Variants in PLXND1 observed in about 807,000 individuals in gnomAD.
The protein encoded by PLXND1 is plexin D1.
A neutral mutation model predicts 197.7 loss-of-function variants in PLXND1; 54 were observed. That is an observed-to-expected ratio of 0.27 (90% CI 0.22 to 0.34). The LOEUF is 0.34. Among genes scored for constraint, PLXND1 ranks in the 10% least tolerant of loss-of-function variants. The pLI, the probability that PLXND1 is intolerant of heterozygous loss-of-function variation, is 1.00. For synonymous variants in PLXND1, 1,180 were observed against 1,161.2 expected, an observed-to-expected ratio of 1.02 and a Z score of -0.33; for missense variants, 2,127 against 2,699.2, an observed-to-expected ratio of 0.79 and a Z score of 4.70.
Position 129,561,642 on chromosome 3 carries a change from C to A in PLXND1, c.4993+4G>T, listed in dbSNP as rs1181557752. ...GGCTCCCTTCCCACGTGCACCCGCA[C>A]TACCTCGGCCCAGTGTGTTGTCCTT... On this transcript the variant is annotated splice_donor_region_variant and intron_variant, in intron 29 of 35. Coordinates refer to ENST00000324093, the MANE Select transcript of PLXND1 (RefSeq NM_015103.3). The A allele has an allele frequency of 6.2e-7, 1 of 1,602,578 alleles. No homozygotes were observed. Among genetic ancestry groups the A allele is most frequent in the South Asian group, 1.1e-5 (1 of 89,214 alleles).
Position 129,584,449 on chromosome 3 carries a change from A to T in PLXND1, c.1965T>A (p.Gly655=). Residue 655 remains glycine, a synonymous_variant, in exon 6 of 36, where the codon GGT becomes GGA. Coordinates refer to ENST00000324093, the MANE Select transcript of PLXND1 (RefSeq NM_015103.3). ...TVARVPGPAF[G]HQIAYCNLLP... is the part of the protein sequence containing the mutation. ...GGAGGTTGCAGTAGGCAATCTGGTG[A>T]CCAAAGGCAGGGCCTGGGACCCGAG... 6.2e-7 allele frequency: 1 copy of T among 1,613,756 alleles called. No individual in the cohort carries two copies. The highest frequency in any genetic ancestry group is 8.5e-7 in the Non-Finnish European group (1 of 1,179,966).
At chr3:129,573,871 A>G (rs1038207439) in intron 12 of PLXND1, 126 bp from the exon 13 acceptor site, 1 of 1,076,930 alleles carries the variant, frequency 9.3e-7, no homozygotes, top group African/African-American at 1.6e-5. Flanking sequence ...GAAGGTCTGG[A>G]GGCTCAGGTG....
intron 1 of PLXND1, among the ~76,000 whole-genome samples, chr3:129,602,815 T>C (rs778554719): frequency 6.6e-6 from 1 of 152,158 alleles, no homozygotes; most frequent in Non-Finnish European, 1.5e-5. Context: ...CTGAGCTGCA[T>C]TTATCGATTC....
chr3:129,570,908 T>C lies in PLXND1; in HGVS notation c.3628A>G (p.Ser1210Gly). The C allele has an allele frequency of 6.2e-7, 1 of 1,614,220 alleles. No homozygotes were observed. The highest frequency in any genetic ancestry group is 2.2e-5 in the East Asian group (1 of 44,886). The change falls in exon 19 of 36, where the codon AGT becomes GGT. Residue 1210 changes from serine (S) to glycine (G), a missense_variant. By Grantham distance (56) the Ser-to-Gly change is moderately conservative. Transcript: ENST00000324093. ...HKEQDSLGLQSHEYRVKIGQV... is the reference protein window; with the variant it reads ...HKEQDSLGLQGHEYRVKIGQV... Reference sequence around the variant, plus strand: ...CCTATCTTGACCCGGTACTCGTGACTCTGGAGCCCCAGGCTGTCCTGCTCC... The same window carrying C: ...CCTATCTTGACCCGGTACTCGTGACCCTGGAGCCCCAGGCTGTCCTGCTCC...
rs919485790 is a variant in PLXND1 at position 129,578,386 on chromosome 3, C to T, written c.2289G>A (p.Val763=). 3 of 1,606,296 alleles carry T rather than the reference C, an allele frequency of 1.9e-6. No homozygotes were observed. The highest frequency in any genetic ancestry group is 1.7e-4 in the Middle Eastern group (1 of 6,022). ...PRTLLSPLAP[V]PTGGSQNILV... ...GGATGTTCTGGGAGCCACCCGTAGGCACGGGTGCCAGGGGTGAGAGCAGGG... is the reference window on the plus strand; with the variant it reads ...GGATGTTCTGGGAGCCACCCGTAGGTACGGGTGCCAGGGGTGAGAGCAGGG... The change falls in exon 9 of 36, where the codon GTG becomes GTA. Residue 763 remains valine (V), a synonymous_variant. Coordinates refer to ENST00000324093, the MANE Select transcript of PLXND1 (RefSeq NM_015103.3).
chr3:129,578,540 G>C, intron 8 of PLXND1, 107 bp from the exon 9 acceptor site: 1 of 670,956 alleles, frequency 1.5e-6, no homozygotes, highest in East Asian at 2.8e-5. Flanking sequence ...TTCCTGAGGA[G>C]AAAACACTAG....
At chr3:129,587,306 G>A (rs777914416) in intron 2 of PLXND1, among the ~76,000 whole-genome samples, 5 of 152,188 alleles carry the variant, frequency 3.3e-5, no homozygotes, top group African/African-American at 1.2e-4. Flanking sequence ...GAGATCACAA[G>A]GCTACAATGC....
At chr3:129,566,332 G>A (rs11925462) in intron 23 of PLXND1, among the ~76,000 whole-genome samples, 195 bp downstream of exon 23, 16,385 of 151,626 alleles carry the variant, frequency 0.11, 1,708 homozygotes, top group African/African-American at 0.27. Flanking sequence ...CCTGGCCTGC[G>A]GGGGCAGCAC....
rs2085774371 is a variant in PLXND1, at chr3:129,605,451, G to A, written c.1189C>T (p.Arg397Ter). Reference protein sequence around the residue: ...ALCAFRFADVRAAIRAARTAC... With the variant: ...ALCAFRFADV ...GTGCGCGCAGCTCGGATGGCGGCTCGCACGTCGGCGAAGCGGAAGGCGCAG... is the reference window on the plus strand; with the variant it reads ...GTGCGCGCAGCTCGGATGGCGGCTCACACGTCGGCGAAGCGGAAGGCGCAG... Residue 397 changes from arginine (R) to a stop codon, truncating the protein, a stop_gained, in exon 1 of 36, where the codon CGA (arginine) becomes TGA (stop). Coordinates refer to ENST00000324093, the MANE Select transcript of PLXND1 (RefSeq NM_015103.3). LOFTEE classifies it high-confidence loss of function. 1 of 1,501,328 alleles carries A rather than the reference G, an allele frequency of 6.7e-7. No homozygotes were observed. The highest frequency in any genetic ancestry group is 8.8e-7 in the Non-Finnish European group (1 of 1,132,666). 93.0% of individuals were successfully genotyped at this position (1,501,328 alleles called of 1,614,324 possible).
chr3:129,595,752 G>A (rs930713307), intron 1 of PLXND1, among the ~76,000 whole-genome samples: 3 of 152,094 alleles, frequency 2.0e-5, no homozygotes, highest in Non-Finnish European at 2.9e-5. Flanking sequence ...CAGCCAGGCC[G>A]CCCTGAGGGC....
rs542768361 is a variant in PLXND1 at position 129,556,638 on chromosome 3, G to A, written c.5640C>T (p.Tyr1880=). ...TNVAMAEIYK[Y]AKRYRPQIMA... ...TCACCTGCGGCCGATACCTCTTGGCGTACTTATAAATCTCTGCCATGGCCA... is the reference window on the plus strand; with the variant it reads ...TCACCTGCGGCCGATACCTCTTGGCATACTTATAAATCTCTGCCATGGCCA... Residue 1880 remains tyrosine (Y), a synonymous_variant, in exon 35 of 36, where the codon TAC becomes TAT. Coordinates refer to ENST00000324093, the MANE Select transcript of PLXND1 (RefSeq NM_015103.3). 80 of 1,612,798 alleles carry A rather than the reference G, an allele frequency of 5.0e-5. No homozygotes were observed. Among genetic ancestry groups the A allele is most frequent in the Non-Finnish European group, 6.8e-5 (80 of 1,179,198 alleles).
intron 1 of PLXND1, among the ~76,000 whole-genome samples, chr3:129,590,304 G>T (rs6782700): frequency 2.6e-5 from 4 of 151,628 alleles, no homozygotes; most frequent in African/African-American, 7.3e-5. Flanking sequence ...TCCCATGTCC[G>T]GGCTGTTCCC....
At chr3:129,589,741 C>A (rs1368220556) in intron 1 of PLXND1, among the ~76,000 whole-genome samples, 1 of 152,134 alleles carries the variant, frequency 6.6e-6, no homozygotes, top group East Asian at 1.9e-4. Context: ...AGAGCTGTTC[C>A]AAGGAGATGA....
Position 129,571,679 on chromosome 3 carries a change from G to A in PLXND1, c.3243C>T (p.Val1081=), listed in dbSNP as rs111780083. The change falls in exon 16 of 36, where the codon GTC becomes GTT. Residue 1081 remains valine (V), a splice_region_variant and synonymous_variant. Coordinates refer to ENST00000324093, the MANE Select transcript of PLXND1 (RefSeq NM_015103.3). Reference sequence around the variant, plus strand: ...GAAGGGCGGGGTGCCAGTCTCACCTGACAGGGCTGCGGCGGGGACTGATGG... The same window carrying A: ...GAAGGGCGGGGTGCCAGTCTCACCTAACAGGGCTGCGGCGGGGACTGATGG... ...ITAISPRRSP[V]SGGRTITVAG... The A allele has an allele frequency of 2.5e-6, 4 of 1,614,018 alleles. No homozygotes were observed. Among genetic ancestry groups the A allele is most frequent in the African/African-American group, 2.7e-5 (2 of 75,056 alleles).
chr3:129,589,509 C>A lies in PLXND1; in HGVS notation c.1330G>T (p.Asp444Tyr). 6.3e-7 allele frequency: 1 copy of A among 1,593,774 alleles called. No homozygotes were observed. The highest frequency in any genetic ancestry group is 1.1e-5 in the South Asian group (1 of 88,284). The change falls in exon 2 of 36, where the codon GAC (aspartate) becomes TAC (tyrosine). Residue 444 changes from aspartate to tyrosine, a missense_variant. Asp to Tyr is a radical substitution (Grantham distance 160). Coordinates refer to ENST00000324093, the MANE Select transcript of PLXND1 (RefSeq NM_015103.3). ...LNIQLQPEQL[D>Y]CGAAHLQHPL... ...TGCTGCAGGTGAGCAGCTCCACAGT[C>A]CAGCTGCTCTGGCTGGAGCTGGAAG...
chr3:129,578,060 G>C (rs1308154059), intron 9 of PLXND1, among the ~76,000 whole-genome samples: 1 of 152,210 alleles, frequency 6.6e-6, no homozygotes, highest in Admixed American at 6.5e-5. Flanking sequence ...TGGGGGCACT[G>C]GCTTTCCCTT....
intron 2 of PLXND1, among the ~76,000 whole-genome samples, chr3:129,588,293 G>C (rs1166419500): frequency 6.6e-6 from 1 of 152,158 alleles, no homozygotes; most frequent in African/African-American, 2.4e-5. Context: ...AGAATTAAGT[G>C]AGAGGATGCC....
intron 34 of PLXND1, 161 bp from the exon 35 acceptor site, chr3:129,556,852 C>T (rs936952551): frequency 2.0e-5 from 14 of 696,032 alleles, no homozygotes; most frequent in African/African-American, 3.6e-5. Flanking sequence ...GACGGCTTCC[C>T]GGACCCTGAA....
chr3:129,588,367 G>A (rs1275457042), intron 2 of PLXND1, among the ~76,000 whole-genome samples: 2 of 152,162 alleles, frequency 1.3e-5, no homozygotes, highest in East Asian at 1.9e-4. Flanking sequence ...CGGGGGTGGG[G>A]GAGGGGCCTG....
Sources: allele counts gnomAD v4.1 joint callset (sites outside exome capture counted in the v4.1 genomes callset), GRCh38; gene constraint gnomAD v4.1.1; transcripts MANE v1.5; gene names NCBI Gene and HGNC (gene_info 2026-07-23, HGNC 2026-07-21).